The following AKAP10 variants were observed in gnomAD, a reference collection of about 807,000 sequenced individuals.
AKAP10 encodes A-kinase anchor protein 10, mitochondrial.
AKAP10 carries 24 observed loss-of-function variants against 80.8 expected under a neutral mutation model. The observed-to-expected ratio is 0.30, with a 90% CI of 0.22 to 0.42. The LOEUF (loss-of-function observed/expected upper bound fraction) is 0.42, where lower values mean the gene tolerates loss of function less well. AKAP10 is among the 10% of genes least tolerant of loss of function. AKAP10 has a pLI of 1.00. For missense variants in AKAP10, 661 were observed against 794.9 expected (o/e 0.83, Z 2.03); for synonymous variants, 291 against 277.7 (o/e 1.05, Z -0.48).
At position 19,954,553 on chromosome 17, in the gene AKAP10, C is replaced by T. The variant is rs562734439; in HGVS notation, c.877+3461G>A. Among the ~76,000 whole-genome samples the T allele has an allele frequency of 4.7e-5, 7 of 149,546 alleles. No homozygotes were observed. In the South Asian group the frequency reaches 1.3e-3, roughly 27 times the overall value. Reference sequence around the variant, plus strand: ...AGGCTGGAGTGCAGTGGCGCGATCTCGGCTCACTGCAAGCTCCACCTCCCG... The same window carrying T: ...AGGCTGGAGTGCAGTGGCGCGATCTTGGCTCACTGCAAGCTCCACCTCCCG... On this transcript the variant is annotated intron_variant, in intron 4 of 14. Transcript: ENST00000225737.
At chr17:19,922,720 G>A (rs532917794) in intron 11 of AKAP10, among the ~76,000 whole-genome samples, 10 of 152,128 alleles carry the variant, frequency 6.6e-5, no homozygotes, top group Non-Finnish European at 1.5e-4. Context: ...CTAACACGGT[G>A]AAACCCCATC....
intron 4 of AKAP10, among the ~76,000 whole-genome samples, chr17:19,952,437 T>C (rs913173106): frequency 1.3e-5 from 2 of 151,616 alleles, no homozygotes; most frequent in African/African-American, 4.8e-5. Flanking sequence ...GCACTCCAGC[T>C]TGGGCAACAA....
At chr17:19,950,428 G>C (rs1412376829) in intron 4 of AKAP10, among the ~76,000 whole-genome samples, 1 of 152,196 alleles carries the variant, frequency 6.6e-6, no homozygotes, top group African/African-American at 2.4e-5. Flanking sequence ...TCCTGCCTCA[G>C]CCTGCAGAGT....
chr17:19,971,613 C>T (rs916943832), intron 1 of AKAP10, among the ~76,000 whole-genome samples: 3 of 152,086 alleles, frequency 2.0e-5, no homozygotes, highest in Admixed American at 6.5e-5. Context: ...AGTTCATTCA[C>T]GCAGCTCTAG....
intron 5 of AKAP10, among the ~76,000 whole-genome samples, chr17:19,946,432 G>A (rs169413): frequency 0.21 from 30,595 of 145,522 alleles, 3,474 homozygotes; most frequent in Middle Eastern, 0.29. Context: ...CTGTTACCCT[G>A]GACAAAGCAC....
chr17:19,950,013 T>C (rs2043181548), intron 4 of AKAP10, among the ~76,000 whole-genome samples: 1 of 149,960 alleles, frequency 6.7e-6, no homozygotes, highest in South Asian at 2.1e-4. Flanking sequence ...ATATAAATTC[T>C]AGAAAAAGGC....
At chr17:19,946,271 A>AT (rs2043127009) in intron 5 of AKAP10, among the ~76,000 whole-genome samples, 4 of 23,356 alleles carry the variant, frequency 1.7e-4, no homozygotes, top group East Asian at 1.4e-3. Flanking sequence ...ATATATATAT[A>AT]TATATTTTTT....
intron 8 of AKAP10, 109 bp from the exon 9 acceptor site, chr17:19,936,539 G>T: frequency 9.3e-7 from 1 of 1,070,338 alleles, no homozygotes; most frequent in Non-Finnish European, 1.3e-6. Flanking sequence ...TGAGCCTGCA[G>T]GCCTAGAACT....
Position 19,977,714 on chromosome 17 carries a change from G to A in AKAP10, c.-35C>T, listed in dbSNP as rs2043591723. ...GGCCCGGACTTCCGGGTCCAGAGGG[G>A]CCGCTGCACTAGCGCGAAAAGGGAC... On this transcript the variant is annotated 5_prime_UTR_variant, in exon 1 of 15. Coordinates refer to ENST00000225737, the MANE Select transcript of AKAP10 (RefSeq NM_007202.4). 2 of 1,201,584 alleles carry A rather than the reference G, an allele frequency of 1.7e-6. No homozygotes were observed. The highest frequency in any genetic ancestry group is 1.0e-6 in the Non-Finnish European group (1 of 957,080). 74.4% of individuals were successfully genotyped at this position (1,201,584 alleles called of 1,614,324 possible).
At chr17:19,916,193 C>T (rs1400546262) in intron 12 of AKAP10, among the ~76,000 whole-genome samples, 1 of 152,236 alleles carries the variant, frequency 6.6e-6, no homozygotes, top group African/African-American at 2.4e-5. Flanking sequence ...TGAGGCCTTT[C>T]CTGACAACCA....
intron 1 of AKAP10, among the ~76,000 whole-genome samples, chr17:19,977,038 G>A (rs1432281323): frequency 2.7e-5 from 4 of 148,432 alleles, no homozygotes; most frequent in Non-Finnish European, 6.0e-5. Flanking sequence ...CCAGTAGTTA[G>A]CAAACTTGCC....
intron 10 of AKAP10, among the ~76,000 whole-genome samples, chr17:19,929,081 A>G (rs1276405870): frequency 6.6e-6 from 1 of 152,230 alleles, no homozygotes; most frequent in African/African-American, 2.4e-5. Context: ...CATGATGCTA[A>G]GTGAAAGACA....
intron 10 of AKAP10, among the ~76,000 whole-genome samples, chr17:19,925,646 G>A (rs203480): frequency 0.21 from 31,788 of 150,160 alleles, 3,595 homozygotes; most frequent in Middle Eastern, 0.29. Flanking sequence ...TAATGTCCCC[G>A]ACTAAGTAAT....
At chr17:19,969,444 T>G (rs556458100) in intron 1 of AKAP10, among the ~76,000 whole-genome samples, 1 of 152,136 alleles carries the variant, frequency 6.6e-6, no homozygotes, top group Non-Finnish European at 1.5e-5. Context: ...TAAGCTAATA[T>G]GACATCCAAG....
At chr17:19,971,146 C>T (rs1055444731) in intron 1 of AKAP10, among the ~76,000 whole-genome samples, 1 of 151,940 alleles carries the variant, frequency 6.6e-6, no homozygotes, top group African/African-American at 2.4e-5. Context: ...CCACCACACC[C>T]AGCCAAACGT....
chr17:19,946,236 ATTATAT>A (rs1389052849), intron 5 of AKAP10, among the ~76,000 whole-genome samples: 630 of 22,666 alleles, frequency 0.028, 42 homozygotes, highest in Admixed American at 0.039. Flanking sequence ...ATATATATAT[ATTATAT>A]ATATATATAT....
chr17:19,919,343 C>T (rs937456188), intron 12 of AKAP10, among the ~76,000 whole-genome samples: 5 of 152,074 alleles, frequency 3.3e-5, no homozygotes, highest in Non-Finnish European at 5.9e-5. Context: ...TATTTCATTA[C>T]TTTTATATTT....
intron 4 of AKAP10, among the ~76,000 whole-genome samples, chr17:19,947,743 C>T (rs2043151012): frequency 6.6e-6 from 1 of 152,150 alleles, no homozygotes; most frequent in Admixed American, 6.5e-5. Flanking sequence ...AGTACTTTTA[C>T]ACCAAAATAA....
intron 12 of AKAP10, among the ~76,000 whole-genome samples, chr17:19,913,434 G>T (rs369422947): frequency 2.6e-5 from 4 of 151,442 alleles, no homozygotes; most frequent in Non-Finnish European, 2.9e-5. Context: ...TTATAGGCGT[G>T]AGCCACCACG....
Sources: allele counts gnomAD v4.1 joint callset (sites outside exome capture counted in the v4.1 genomes callset), GRCh38; gene constraint gnomAD v4.1.1; transcripts MANE v1.5; gene names NCBI Gene and HGNC (gene_info 2026-07-23, HGNC 2026-07-21).